The following GALNTL6 variants were observed in gnomAD, a reference collection of about 807,000 sequenced individuals.
GALNTL6 encodes the protein polypeptide N-acetylgalactosaminyltransferase-like 6.
In GALNTL6, 46 loss-of-function variants were observed where a neutral mutation model predicts 73.7. The ratio of observed to expected loss-of-function variants is 0.62; its 90% CI spans 0.49 to 0.80. The LOEUF (loss-of-function observed/expected upper bound fraction) is 0.80. GALNTL6 is among the 30% of genes least tolerant of loss of function. The pLI is 0.00. For synonymous variants in GALNTL6, 259 were observed against 263.7 expected (o/e 0.98, Z 0.17); for missense variants, 604 against 755.0 (o/e 0.80, Z 2.34).
chr4:172,299,962 G>A (rs1200361001), intron 3 of GALNTL6, among the ~76,000 whole-genome samples: 1 of 152,136 alleles, frequency 6.6e-6, no homozygotes, highest in Non-Finnish European at 1.5e-5. Flanking sequence ...AATGTTGACA[G>A]TGGGGTGTTA....
At chr4:172,555,111 G>A (rs991157271) in intron 5 of GALNTL6, among the ~76,000 whole-genome samples, 1 of 151,956 alleles carries the variant, frequency 6.6e-6, no homozygotes, top group Non-Finnish European at 1.5e-5. Context: ...TGTTGATTTT[G>A]TTTTATTGAT....
At chr4:172,287,735 T>C (rs1358475361) in intron 3 of GALNTL6, among the ~76,000 whole-genome samples, 1 of 152,120 alleles carries the variant, frequency 6.6e-6, no homozygotes, top group Non-Finnish European at 1.5e-5. Context: ...GCCTTTCTCC[T>C]GGAAGTGGCA....
At chr4:171,938,521 T>C (rs1738422087) in intron 2 of GALNTL6, among the ~76,000 whole-genome samples, 1 of 152,194 alleles carries the variant, frequency 6.6e-6, no homozygotes, top group Admixed American at 6.5e-5. Context: ...GATATTGCTT[T>C]GGAGTTTCCA....
At chr4:171,937,621 T>C (rs1205882285) in intron 2 of GALNTL6, among the ~76,000 whole-genome samples, 2 of 152,160 alleles carry the variant, frequency 1.3e-5, no homozygotes, top group Admixed American at 1.3e-4. Flanking sequence ...TTCCTTACTT[T>C]ATTCAGCTAC....
intron 2 of GALNTL6, among the ~76,000 whole-genome samples, chr4:171,905,690 G>GT (rs1055450541): frequency 2.7e-5 from 4 of 150,674 alleles, no homozygotes; most frequent in Admixed American, 6.6e-5. Context: ...CAGAATATAT[G>GT]TTTTTTTCAG....
intron 8 of GALNTL6, among the ~76,000 whole-genome samples, chr4:172,905,750 T>C (rs1180912808): frequency 1.5e-5 from 2 of 136,616 alleles, no homozygotes; most frequent in East Asian, 4.2e-4. Flanking sequence ...TTAGATGTTA[T>C]ATAATTACAA....
chr4:172,083,797 AG>A (rs1489814443), intron 2 of GALNTL6, among the ~76,000 whole-genome samples: 2 of 152,194 alleles, frequency 1.3e-5, no homozygotes, highest in African/African-American at 4.8e-5. Context: ...ACATTAGGGC[AG>A]AAATTACTGA....
intron 5 of GALNTL6, among the ~76,000 whole-genome samples, chr4:172,761,942 A>G (rs1357772896): frequency 1.3e-5 from 2 of 152,184 alleles, no homozygotes; most frequent in African/African-American, 2.4e-5. Context: ...GGGATCTTCA[A>G]CCTGATCAAA....
rs528348605 is a variant in GALNTL6, at chr4:172,883,286, C to A, written c.1041+379C>A. On this transcript the variant is annotated intron_variant, in intron 8 of 12. Transcript: ENST00000506823. ...ATTATTGTGAACTATAATCTCCCTA[C>A]TTGTATAAGGCCATTTTTGCATTGC... Among the ~76,000 whole-genome samples, 10 of 152,288 alleles carry A rather than the reference C, an allele frequency of 6.6e-5. No individual in the cohort carries two copies. In the South Asian group the frequency reaches 2.1e-3, roughly 32 times the overall value.
At chr4:172,316,803 G>A (rs1430415972) in intron 4 of GALNTL6, among the ~76,000 whole-genome samples, 1 of 152,198 alleles carries the variant, frequency 6.6e-6, no homozygotes, top group Non-Finnish European at 1.5e-5. Context: ...AGTCCAGAAT[G>A]AGGCACATTC....
At position 172,716,835 on chromosome 4, in the gene GALNTL6, G is replaced by T. The variant is rs114988628; in HGVS notation, c.554-92526G>T. On this transcript the variant is annotated intron_variant, in intron 5 of 12. Coordinates refer to ENST00000506823, the MANE Select transcript of GALNTL6 (RefSeq NM_001034845.3). ...TCCGCCTAAGTCTCACTATGGAAAA[G>T]ACAATTTAGTTATTTTCTCTTTAGT... is the stretch of plus-strand genomic sequence containing the variant. Among the ~76,000 whole-genome samples the T allele has an allele frequency of 7.5e-3, 1,137 of 152,306 alleles. 12 individuals are homozygous for T. The highest frequency in any genetic ancestry group is 0.026 in the African/African-American group (1,083 of 41,544).
chr4:171,972,538 A>G (rs1015244555), intron 2 of GALNTL6, among the ~76,000 whole-genome samples: 4 of 152,140 alleles, frequency 2.6e-5, no homozygotes, highest in Non-Finnish European at 5.9e-5. Flanking sequence ...TTCCATGATA[A>G]TAAATTATAC....
intron 2 of GALNTL6, among the ~76,000 whole-genome samples, chr4:171,972,136 A>G (rs1304104668): frequency 6.6e-6 from 1 of 152,192 alleles, no homozygotes; most frequent in African/African-American, 2.4e-5. Context: ...AGTTATTCAC[A>G]TGCCAAACAG....
chr4:171,830,775 G>A (rs1392183919), intron 2 of GALNTL6, among the ~76,000 whole-genome samples: 2 of 152,070 alleles, frequency 1.3e-5, no homozygotes, highest in Non-Finnish European at 2.9e-5. Context: ...TTATTAAAAA[G>A]AAGACTGTCA....
At chr4:172,038,576 A>G (rs1377692492) in intron 2 of GALNTL6, among the ~76,000 whole-genome samples, 1 of 152,174 alleles carries the variant, frequency 6.6e-6, no homozygotes, top group African/African-American at 2.4e-5. Flanking sequence ...CTAGCTCTTT[A>G]GTCCACAAAT....
chr4:172,260,417 G>T (rs1250774989), intron 3 of GALNTL6, among the ~76,000 whole-genome samples: 1 of 151,676 alleles, frequency 6.6e-6, no homozygotes, highest in Admixed American at 6.6e-5. Context: ...GTAGCTGTTG[G>T]TGTATAGCAG....
intron 2 of GALNTL6, among the ~76,000 whole-genome samples, chr4:172,042,230 G>A (rs979041809): frequency 6.6e-6 from 1 of 151,952 alleles, no homozygotes; most frequent in Admixed American, 6.6e-5. Context: ...GGTAAACTCT[G>A]CTACTAATTG....
intron 2 of GALNTL6, among the ~76,000 whole-genome samples, chr4:172,137,319 A>C (rs1351612163): frequency 6.6e-6 from 1 of 152,216 alleles, no homozygotes; most frequent in Non-Finnish European, 1.5e-5. Flanking sequence ...TTTTGAAGCT[A>C]TATATACACT....
At chr4:172,192,588 T>C (rs1735620749) in intron 2 of GALNTL6, among the ~76,000 whole-genome samples, 2 of 151,962 alleles carry the variant, frequency 1.3e-5, no homozygotes, top group South Asian at 4.2e-4. Context: ...CAAAGGGAGC[T>C]GCCACCCCCA....
Sources: allele counts gnomAD v4.1 joint callset (sites outside exome capture counted in the v4.1 genomes callset), GRCh38; gene constraint gnomAD v4.1.1; transcripts MANE v1.5; gene names NCBI Gene and HGNC (gene_info 2026-07-23, HGNC 2026-07-21).